ACSM1: variants seen among roughly 807,000 people sequenced by gnomAD.
ACSM1 encodes acyl-coenzyme A synthetase ACSM1, mitochondrial.
ACSM1 carries 79 observed loss-of-function variants against 75.8 expected under a neutral mutation model. The ratio of observed to expected loss-of-function variants is 1.04; its 90% confidence interval spans 0.87 to 1.26. The LOEUF is 1.26. Ranked by LOEUF, ACSM1 falls within the 50% of genes most tolerant of loss-of-function variation. ACSM1 has a pLI of 0.00. For missense variants in ACSM1, 676 were observed against 720.1 expected, an observed-to-expected ratio of 0.94 and a Z score of 0.70; for synonymous variants, 279 against 265.8, an observed-to-expected ratio of 1.05 and a Z score of -0.48.
intron 10 of ACSM1, among the ~76,000 whole-genome samples, chr16:20,629,468 C>T (rs1396679213): frequency 6.6e-6 from 1 of 151,918 alleles, no homozygotes; most frequent in Admixed American, 6.5e-5. Context: ...AAATGTGTCA[C>T]TACAAAAAGG....
intron 7 of ACSM1, among the ~76,000 whole-genome samples, chr16:20,653,929 A>C (rs2018793872): frequency 6.6e-6 from 1 of 152,078 alleles, no homozygotes; most frequent in Non-Finnish European, 1.5e-5. Context: ...GGAACCAAAA[A>C]AGAGCCTGCA....
chr16:20,624,247 T>G, intron 12 of ACSM1, 32 bp from the exon 13 acceptor site: 1 of 1,583,226 alleles, frequency 6.3e-7, no homozygotes, highest in Non-Finnish European at 8.6e-7. Flanking sequence ...TCACAGTGAG[T>G]GCCAACCTAC....
intron 7 of ACSM1, among the ~76,000 whole-genome samples, chr16:20,654,700 G>A (rs934271773): frequency 1.6e-4 from 24 of 152,172 alleles, no homozygotes; most frequent in African/African-American, 4.1e-4. Context: ...ACCACAATGA[G>A]ATACCATCTC....
At chr16:20,663,987 T>C (rs1054294545) in intron 6 of ACSM1, among the ~76,000 whole-genome samples, 1 of 152,122 alleles carries the variant, frequency 6.6e-6, no homozygotes, top group African/African-American at 2.4e-5. Flanking sequence ...GCTATTATCA[T>C]GTAAGTTGTA....
At chr16:20,629,867 C>T (rs1188073620) in intron 10 of ACSM1, among the ~76,000 whole-genome samples, 1 of 151,796 alleles carries the variant, frequency 6.6e-6, no homozygotes, top group Non-Finnish European at 1.5e-5. Flanking sequence ...TGGTGTGTGC[C>T]TGTAATCCCA....
Position 20,685,351 on chromosome 16 carries a change from T to G in ACSM1, c.245A>C (p.Asp82Ala), listed in dbSNP as rs201269386. ...PAFWWVNGQG[D>A]EVKWSFREMG... ...CTCTCTGAAGCTCCACTTTACTTCA[T>G]CCCCTTGGCCATTCACCCACCAAAA... The change falls in exon 3 of 14, where the codon GAT becomes GCT. Residue 82 changes from aspartate (D) to alanine (A), a missense_variant. Physicochemically the swap from Asp to Ala is moderately radical, Grantham distance 126 (BLOSUM62 -2). Coordinates refer to ENST00000520010, the MANE Select transcript of ACSM1 (RefSeq NM_001318890.3). 250 of 1,614,034 alleles carry G rather than the reference T, an allele frequency of 1.5e-4. No individual in the cohort carries two copies. Among genetic ancestry groups the G allele is most frequent in the Admixed American group, 2.3e-4 (14 of 59,994 alleles).
At chr16:20,693,027 A>G (rs555339196) in intron 1 of ACSM1, among the ~76,000 whole-genome samples, 2 of 152,198 alleles carry the variant, frequency 1.3e-5, no homozygotes, top group South Asian at 4.1e-4. Context: ...AAAATTAGCC[A>G]GGCATGGAAG....
intron 2 of ACSM1, among the ~76,000 whole-genome samples, chr16:20,687,091 G>A (rs2079567472): frequency 6.6e-6 from 1 of 151,882 alleles, no homozygotes; most frequent in South Asian, 2.1e-4. Flanking sequence ...TGAAGGAAAG[G>A]AGTGAAACTT....
chr16:20,687,342 G>A (rs1428957613), intron 2 of ACSM1, among the ~76,000 whole-genome samples: 1 of 152,126 alleles, frequency 6.6e-6, no homozygotes, highest in East Asian at 1.9e-4. Flanking sequence ...GGGAAATTAA[G>A]AAATTAAAAC....
At chr16:20,640,626 G>A in intron 7 of ACSM1, 42 bp from the exon 8 acceptor site, 1 of 1,613,452 alleles carries the variant, frequency 6.2e-7, no homozygotes, top group Non-Finnish European at 8.5e-7. Flanking sequence ...GAGCCACCCT[G>A]GCTCTGTGCA....
At chr16:20,649,767 A>G (rs951655204) in intron 7 of ACSM1, among the ~76,000 whole-genome samples, 57 of 152,260 alleles carry the variant, frequency 3.7e-4, no homozygotes, top group African/African-American at 1.3e-3. Flanking sequence ...GTATTTCTTA[A>G]ATGTATTTGA....
intron 10 of ACSM1, among the ~76,000 whole-genome samples, chr16:20,627,765 G>T (rs1199552928): frequency 2.0e-5 from 3 of 150,676 alleles, no homozygotes; most frequent in African/African-American, 7.3e-5. Context: ...GGAGGTGGAG[G>T]TTGCAGTGAG....
chr16:20,686,399 C>A (rs2079554376), intron 2 of ACSM1, among the ~76,000 whole-genome samples: 1 of 152,044 alleles, frequency 6.6e-6, no homozygotes, highest in African/African-American at 2.4e-5. Flanking sequence ...CAAATGCCCC[C>A]AGTCATGAAA....
intron 5 of ACSM1, among the ~76,000 whole-genome samples, 161 bp downstream of exon 5, chr16:20,671,370 A>G (rs2019884354): frequency 6.6e-6 from 1 of 151,842 alleles, no homozygotes; most frequent in Non-Finnish European, 1.5e-5. Flanking sequence ...AGACCCTGAG[A>G]GGTCTGAACA....
At chr16:20,677,611 T>C (rs2152293427) in intron 4 of ACSM1, among the ~76,000 whole-genome samples, 1 of 152,298 alleles carries the variant, frequency 6.6e-6, no homozygotes, top group South Asian at 2.1e-4. Flanking sequence ...GATAGGCCCC[T>C]TGGGGAGCCA....
chr16:20,679,592 T>C (rs1227968440), intron 4 of ACSM1: 2 of 152,228 alleles, frequency 1.3e-5, no homozygotes, highest in Non-Finnish European at 2.9e-5. Context: ...CATACACTAA[T>C]GTTGTTACCA....
intron 7 of ACSM1, among the ~76,000 whole-genome samples, chr16:20,650,011 C>T (rs1407631348): frequency 6.6e-6 from 1 of 152,188 alleles, no homozygotes; most frequent in Non-Finnish European, 1.5e-5. Context: ...GTTGCCCAAA[C>T]TTGGAGCTAA....
At chr16:20,666,804 C>T (rs2019591580) in intron 6 of ACSM1, among the ~76,000 whole-genome samples, 1 of 152,030 alleles carries the variant, frequency 6.6e-6, no homozygotes, top group Admixed American at 6.6e-5. Context: ...CAGCTATAGC[C>T]ATATGGTCTT....
intron 7 of ACSM1, among the ~76,000 whole-genome samples, chr16:20,658,325 T>C (rs908715538): frequency 2.6e-5 from 4 of 152,214 alleles, no homozygotes. Context: ...TGGTATTTCA[T>C]TGTGGTTTTG....
Sources: allele counts gnomAD v4.1 joint callset (sites outside exome capture counted in the v4.1 genomes callset), GRCh38; gene constraint gnomAD v4.1.1; transcripts MANE v1.5; gene names NCBI Gene and HGNC (gene_info 2026-07-23, HGNC 2026-07-21).